COL4A3: variants seen among roughly 807,000 people sequenced by gnomAD.
COL4A3 encodes collagen type IV alpha 3 chain.
A neutral mutation model predicts 217.4 loss-of-function variants in COL4A3; 135 were observed. That is an observed-to-expected ratio of 0.62 (90% confidence interval 0.54 to 0.72). The LOEUF is 0.72. COL4A3 is among the 30% of genes least tolerant of loss of function. The probability of loss-of-function intolerance (pLI) is 0.00; values close to 1 mark genes in which losing one functional copy is unlikely to be tolerated. For missense variants in COL4A3, 1,868 were observed against 2,119.9 expected, an observed-to-expected ratio of 0.88 and a Z score of 2.33; for synonymous variants, 690 against 736.3, an observed-to-expected ratio of 0.94 and a Z score of 1.02.
rs1357390455 is a variant in COL4A3, at chr2:227,289,150, G to A, written c.2882G>A (p.Gly961Glu). The A allele has an allele frequency of 6.2e-7, 1 of 1,612,450 alleles. No homozygotes were observed. Among genetic ancestry groups the A allele is most frequent in the Admixed American group, 1.7e-5 (1 of 59,840 alleles). ...IGDKGEPGLK[G>E]FAGNPGEKGN... ...GTTAATACCTGGTTTCTAACTTCAGGATTCGCAGGAAATCCAGGTGAGAAA... is the reference window on the plus strand; with the variant it reads ...GTTAATACCTGGTTTCTAACTTCAGAATTCGCAGGAAATCCAGGTGAGAAA... The change falls in exon 35 of 52, where the codon GGA becomes GAA. Residue 961 changes from glycine to glutamate, a missense_variant and splice_region_variant. Transcript: ENST00000396578.
At chr2:227,249,212 G>GTGTGTATATATA (rs1199261361) in intron 9 of COL4A3, among the ~76,000 whole-genome samples, 1 of 33,218 alleles carries the variant, frequency 3.0e-5, no homozygotes, top group African/African-American at 1.0e-4. Context: ...AAATTAGCTA[G>GTGTGTATATATA]TATATATATA....
At chr2:227,299,654 G>A (rs1439499869) in intron 43 of COL4A3, among the ~76,000 whole-genome samples, 1 of 152,100 alleles carries the variant, frequency 6.6e-6, no homozygotes, top group Non-Finnish European at 1.5e-5. Context: ...TGGGCCTGGA[G>A]GCAGCAAAAA....
At chr2:227,194,670 C>G (rs1028307759) in intron 1 of COL4A3, among the ~76,000 whole-genome samples, 3 of 151,998 alleles carry the variant, frequency 2.0e-5, no homozygotes, top group Admixed American at 6.6e-5. Flanking sequence ...AAAAAATTTT[C>G]TTAAATTCAA....
intron 3 of COL4A3, among the ~76,000 whole-genome samples, chr2:227,240,648 T>C (rs2068969691): frequency 6.6e-6 from 1 of 152,206 alleles, no homozygotes; most frequent in Non-Finnish European, 1.5e-5. Context: ...TTATTGGCTT[T>C]TCTCTTTCAG....
intron 11 of COL4A3, among the ~76,000 whole-genome samples, chr2:227,252,068 CAAAAAAAAAAAA>C (rs796320850): frequency 3.2e-4 from 11 of 34,818 alleles, no homozygotes; most frequent in African/African-American, 9.3e-4. Flanking sequence ...GGCACCATCT[CAAAAAAAAAAAA>C]AAAAAAAAAA....
intron 11 of COL4A3, 47 bp downstream of exon 11, chr2:227,251,418 T>C (rs765830847): frequency 1.5e-5 from 23 of 1,583,148 alleles, no homozygotes; most frequent in Non-Finnish European, 1.9e-5. Context: ...CCCTACTCAA[T>C]CTCAAAGCCA....
In COL4A3 at chr2:227,282,277, T is replaced by A. The variant is rs372600527; in HGVS notation, c.2489-88T>A. 1.4e-3 allele frequency: 25 copies of A among 18,038 alleles called. No homozygotes were observed. The South Asian group carries it at 0.022, about 16-fold the overall frequency. 1.1% of individuals were successfully genotyped at this position (18,038 alleles called of 1,614,324 possible). On this transcript the variant is annotated intron_variant, in intron 31 of 51. Coordinates refer to ENST00000396578, the MANE Select transcript of COL4A3 (RefSeq NM_000091.5). The surrounding 1 kb of genome is among the most constrained non-coding windows in gnomAD (Gnocchi z 4.4). ...ACAGAGGGAGATTCCATCTTAAAAATATATATATATATATATATATATATT... is the reference window on the plus strand; with the variant it reads ...ACAGAGGGAGATTCCATCTTAAAAAAATATATATATATATATATATATATT...
At chr2:227,209,844 A>AAAACAAAC (rs373615921) in intron 1 of COL4A3, among the ~76,000 whole-genome samples, 21 of 152,256 alleles carry the variant, frequency 1.4e-4, no homozygotes, top group African/African-American at 5.1e-4. Flanking sequence ...CTCCATCTCA[A>AAAACAAAC]AAACAAACAA....
In COL4A3 at chr2:227,290,162, CTGTTTTGGT is replaced by C; in HGVS notation, c.3070+76_3070+84del. The C allele has an allele frequency of 4.8e-6, 7 of 1,448,444 alleles. No individual in the cohort carries two copies. The South Asian group carries it at 6.9e-5, about 14-fold the overall frequency. The allele number at this position is 1,448,444 out of a possible 1,614,324, so 89.7% of individuals were successfully genotyped here. On this transcript the variant is annotated intron_variant, in intron 36 of 51. Coordinates refer to ENST00000396578, the MANE Select transcript of COL4A3 (RefSeq NM_000091.5). ...GACTCCAGATTTTCTGTGTTGTGTACTGTTTTGGTTTTCCACTTGGTAGAAAGCTTATAT... is the reference window on the plus strand; with the variant it reads ...GACTCCAGATTTTCTGTGTTGTGTACTTTCCACTTGGTAGAAAGCTTATAT...
chr2:227,296,880 CATCT>C (rs1290595272), intron 41 of COL4A3, among the ~76,000 whole-genome samples: 5 of 152,180 alleles, frequency 3.3e-5, no homozygotes, highest in Non-Finnish European at 5.9e-5. Flanking sequence ...TCCTTCTGCA[CATCT>C]ATCTTCCGTT....
chr2:227,245,725 T>A, intron 5 of COL4A3: 1 of 586,478 alleles, frequency 1.7e-6, no homozygotes, highest in Admixed American at 2.8e-5. Flanking sequence ...TAAAAGGCGT[T>A]TGCTTTATTT....
intron 1 of COL4A3, among the ~76,000 whole-genome samples, chr2:227,192,655 G>T (rs1205300499): frequency 6.6e-6 from 1 of 152,190 alleles, no homozygotes; most frequent in Non-Finnish European, 1.5e-5. Flanking sequence ...CTCAGTGTGT[G>T]TTTGTGGTAG....
intron 26 of COL4A3, 44 bp downstream of exon 26, chr2:227,273,161 T>A: frequency 6.2e-7 from 1 of 1,605,120 alleles, no homozygotes; most frequent in Non-Finnish European, 8.5e-7. Context: ...ATGGAGTGGG[T>A]TGATGGTTTC....
intron 1 of COL4A3, among the ~76,000 whole-genome samples, chr2:227,194,126 G>A (rs908117957): frequency 1.3e-5 from 2 of 150,194 alleles, no homozygotes; most frequent in African/African-American, 2.4e-5. Context: ...AGTCCTATGG[G>A]TTATGTTCCA....
intron 1 of COL4A3, chr2:227,222,405 T>C (rs759683316): frequency 2.6e-5 from 4 of 151,984 alleles, no homozygotes; most frequent in Non-Finnish European, 4.4e-5. Context: ...CCAGAGAGTG[T>C]CCTATTATCA....
At chr2:227,222,169 A>AATAATAATG (rs1332991175) in intron 1 of COL4A3, among the ~76,000 whole-genome samples, 8 of 71,082 alleles carry the variant, frequency 1.1e-4, no homozygotes, top group African/African-American at 3.8e-4. Flanking sequence ...TAATAATGAT[A>AATAATAATG]ATGATAATAA....
At chr2:227,301,380 T>G (rs975137220) in intron 43 of COL4A3, among the ~76,000 whole-genome samples, 1 of 152,188 alleles carries the variant, frequency 6.6e-6, no homozygotes, top group Non-Finnish European at 1.5e-5. Flanking sequence ...TCTACTAACC[T>G]CATCAGTGAT....
chr2:227,238,291 A>C (rs1454733696), intron 2 of COL4A3: 1 of 316,204 alleles, frequency 3.2e-6, no homozygotes, highest in East Asian at 6.9e-5. Flanking sequence ...TGAGAAAAAG[A>C]AAAAGAAAGT....
At chr2:227,304,345 C>A in intron 46 of COL4A3, 1 of 628,342 alleles carries the variant, frequency 1.6e-6, no homozygotes, top group Non-Finnish European at 2.7e-6. Flanking sequence ...AGCAGTTGTT[C>A]ATAGTATAAC....
Sources: gnomAD v4.1 joint callset for allele counts (sites outside exome capture counted in the v4.1 genomes callset) on GRCh38, gnomAD v4.1.1 for gene constraint, Gnocchi (gnomAD v3.1) non-coding constraint, MANE v1.5 for transcripts, NCBI Gene and HGNC (gene_info 2026-07-23, HGNC 2026-07-21) for gene names.